PTPRD: variants seen among roughly 807,000 people sequenced by gnomAD.
The protein encoded by PTPRD is protein tyrosine phosphatase receptor type D.
A neutral mutation model predicts 214.5 loss-of-function variants in PTPRD; 34 were observed. The ratio of observed to expected loss-of-function variants is 0.16; its 90% CI spans 0.12 to 0.21. PTPRD has a LOEUF of 0.21. PTPRD is among the 10% of genes least tolerant of loss of function. The pLI, the probability that PTPRD is intolerant of heterozygous loss-of-function variation, is 1.00. For synonymous variants in PTPRD, 1,128 were observed against 845.7 expected, an observed-to-expected ratio of 1.33 and a Z score of -5.79; for missense variants, 2,545 against 2,398.7, an observed-to-expected ratio of 1.06 and a Z score of -1.27.
At chr9:8,698,449 T>C (rs1490177059) in intron 12 of PTPRD, among the ~76,000 whole-genome samples, 1 of 152,240 alleles carries the variant, frequency 6.6e-6, no homozygotes, top group African/African-American at 2.4e-5. Flanking sequence ...GTGTATCTCC[T>C]ATGATTCATG....
chr9:8,337,455 T>C (rs1848077130), intron 43 of PTPRD, among the ~76,000 whole-genome samples: 1 of 151,242 alleles, frequency 6.6e-6, no homozygotes, highest in Non-Finnish European at 1.5e-5. Flanking sequence ...TGTTGCGGGT[T>C]TGGAGTCTAG....
At chr9:8,721,490 G>A (rs1021586111) in intron 12 of PTPRD, among the ~76,000 whole-genome samples, 55 of 150,184 alleles carry the variant, frequency 3.7e-4, no homozygotes, top group Non-Finnish European at 4.9e-4. Context: ...TCAAGTGAAA[G>A]GTATCACAAT....
Position 8,341,619 on chromosome 9 carries a change from A to C in PTPRD, c.4947+74T>G. ...TGTACTTCACAAATTTGAAAGGTTA[A>C]AGTAAAGCCACGACTCAAAGACAAA... is the stretch of plus-strand genomic sequence containing the variant. On this transcript the variant is annotated intron_variant, in intron 40 of 45. Coordinates refer to ENST00000381196, the MANE Select transcript of PTPRD (RefSeq NM_002839.4). 3.3e-6 allele frequency: 5 copies of C among 1,531,268 alleles called. No homozygotes were observed. In the South Asian group the frequency reaches 4.9e-5, roughly 15 times the overall value. 94.9% of individuals were successfully genotyped at this position (1,531,268 alleles called of 1,614,324 possible).
At chr9:8,517,617 C>A (rs1244945212) in intron 21 of PTPRD, among the ~76,000 whole-genome samples, 1 of 152,076 alleles carries the variant, frequency 6.6e-6, no homozygotes, top group East Asian at 1.9e-4. Flanking sequence ...TCAAGTCATT[C>A]CCATACAAAT....
At chr9:9,638,229 G>A (rs1319176023) in intron 7 of PTPRD, among the ~76,000 whole-genome samples, 2 of 151,924 alleles carry the variant, frequency 1.3e-5, no homozygotes, top group African/African-American at 2.4e-5. Context: ...ATTATGAATT[G>A]CATCTTGAAA....
chr9:9,653,840 A>G (rs777666003), intron 7 of PTPRD, among the ~76,000 whole-genome samples: 9 of 152,326 alleles, frequency 5.9e-5, no homozygotes, highest in Admixed American at 5.9e-4. Flanking sequence ...TGATAAAGAC[A>G]AATTAGATTT....
chr9:10,253,279 G>A (rs2092952686), intron 3 of PTPRD, among the ~76,000 whole-genome samples: 1 of 152,086 alleles, frequency 6.6e-6, no homozygotes, highest in Non-Finnish European at 1.5e-5. Context: ...TTCACAGAAT[G>A]GAATCCTTCT....
chr9:9,218,750 T>G (rs147348405), intron 9 of PTPRD, among the ~76,000 whole-genome samples: 7 of 152,204 alleles, frequency 4.6e-5, no homozygotes, highest in African/African-American at 1.7e-4. Flanking sequence ...ATTCTTCTAG[T>G]ATGAGAATAC....
intron 3 of PTPRD, among the ~76,000 whole-genome samples, chr9:10,060,088 T>C (rs1381500596): frequency 6.6e-6 from 1 of 152,058 alleles, no homozygotes; most frequent in Non-Finnish European, 1.5e-5. Context: ...TCAAAGAATA[T>C]AAGGAGGTAC....
In PTPRD at chr9:9,940,466, A is replaced by G. The variant is rs150302448; in HGVS notation, c.-471-1856T>C. Among the ~76,000 whole-genome samples, 1,076 of 152,306 alleles carry G rather than the reference A, an allele frequency of 7.1e-3. 11 individuals carry two copies. The highest frequency in any genetic ancestry group is 0.042 in the South Asian group (204 of 4,828). On this transcript the variant is annotated intron_variant, in intron 4 of 45. Coordinates refer to ENST00000381196, the MANE Select transcript of PTPRD (RefSeq NM_002839.4). ...CGGAAGAGATCCAGCTAACACTCTT[A>G]TGCATACTTAATGGGGTTTGAAATT...
At chr9:8,522,212 T>C (rs1199401334) in intron 19 of PTPRD, among the ~76,000 whole-genome samples, 3 of 152,162 alleles carry the variant, frequency 2.0e-5, no homozygotes, top group Non-Finnish European at 2.9e-5. Context: ...GATTGGGTCA[T>C]GCAAGGCATG....
intron 9 of PTPRD, among the ~76,000 whole-genome samples, chr9:9,295,245 A>G (rs1296026532): frequency 6.6e-6 from 1 of 151,808 alleles, no homozygotes; most frequent in Non-Finnish European, 1.5e-5. Context: ...TTGAAAACAT[A>G]CACATATTTT....
At chr9:8,494,003 CACAG>C (rs149313423) in intron 26 of PTPRD, among the ~76,000 whole-genome samples, 23,981 of 126,094 alleles carry the variant, frequency 0.19, 1,917 homozygotes, top group Non-Finnish European at 0.23. Flanking sequence ...CACACAGACA[CACAG>C]ACACACACAC....
At chr9:8,889,716 G>A (rs1014306546) in intron 11 of PTPRD, among the ~76,000 whole-genome samples, 1 of 143,846 alleles carries the variant, frequency 7.0e-6, no homozygotes, top group Non-Finnish European at 1.5e-5. Flanking sequence ...TAAGATATTT[G>A]GTTTCCCATT....
At chr9:8,836,328 G>T (rs1303410802) in intron 11 of PTPRD, among the ~76,000 whole-genome samples, 3 of 152,076 alleles carry the variant, frequency 2.0e-5, no homozygotes, top group Admixed American at 6.5e-5. Flanking sequence ...CAAAGAAAGA[G>T]AGCCCTTGGC....
At chr9:8,798,538 T>C (rs796157948) in intron 11 of PTPRD, among the ~76,000 whole-genome samples, 14 of 152,326 alleles carry the variant, frequency 9.2e-5, no homozygotes, top group African/African-American at 3.4e-4. Context: ...TTCTGAACCA[T>C]CTTTAATAAA....
chr9:9,838,711 T>TA (rs398096270), intron 5 of PTPRD, among the ~76,000 whole-genome samples: 1 of 152,094 alleles, frequency 6.6e-6, no homozygotes, highest in East Asian at 1.9e-4. Context: ...CCCATTTTTT[T>TA]AGGTTGCCTG....
chr9:9,422,162 A>G (rs1322706614), intron 8 of PTPRD, among the ~76,000 whole-genome samples: 1 of 152,114 alleles, frequency 6.6e-6, no homozygotes, highest in African/African-American at 2.4e-5. Flanking sequence ...TTCACTATTC[A>G]CAAATATGTG....
intron 7 of PTPRD, among the ~76,000 whole-genome samples, chr9:9,641,995 G>C (rs928352604): frequency 1.3e-5 from 2 of 151,436 alleles, no homozygotes; most frequent in Admixed American, 6.6e-5. Context: ...ATTCACAATA[G>C]CAAAGACTTG....
Sources: gnomAD v4.1 joint callset for allele counts (sites outside exome capture counted in the v4.1 genomes callset) on GRCh38, gnomAD v4.1.1 for gene constraint, MANE v1.5 for transcripts, NCBI Gene and HGNC (gene_info 2026-07-23, HGNC 2026-07-21) for gene names.